SORCS2: variants seen among roughly 807,000 people sequenced by gnomAD.
SORCS2 encodes VPS10 domain-containing receptor SorCS2.
Under a neutral mutation model 141.6 loss-of-function variants are expected in SORCS2, and 100 were observed. The observed-to-expected ratio is 0.71, with a 90% CI of 0.60 to 0.83. SORCS2 has a LOEUF of 0.83. SORCS2 is among the 40% of genes least tolerant of loss of function. SORCS2 has a pLI of 0.00. For missense variants in SORCS2, 1,646 were observed against 1,560.2 expected (o/e 1.05, Z -0.93); for synonymous variants, 789 against 676.9 (o/e 1.17, Z -2.57).
chr4:7,223,545 TG>T (rs1728834790), intron 1 of SORCS2, among the ~76,000 whole-genome samples: 1 of 152,044 alleles, frequency 6.6e-6, no homozygotes, highest in East Asian at 2.0e-4. Context: ...TCTGTGTGTC[TG>T]GTGGTTTCCT....
chr4:7,243,768 C>G (rs1441360074), intron 1 of SORCS2, among the ~76,000 whole-genome samples: 1 of 152,256 alleles, frequency 6.6e-6, no homozygotes, highest in Non-Finnish European at 1.5e-5. Flanking sequence ...CCCACAAACC[C>G]AAGTTCGCAG....
At chr4:7,291,215 A>G (rs1209806431) in intron 1 of SORCS2, among the ~76,000 whole-genome samples, 1 of 152,196 alleles carries the variant, frequency 6.6e-6, no homozygotes, top group Non-Finnish European at 1.5e-5. Context: ...AGCTGAGGCC[A>G]CATAGCAGGT....
intron 1 of SORCS2, among the ~76,000 whole-genome samples, chr4:7,332,205 G>A (rs1346634354): frequency 6.6e-6 from 1 of 152,242 alleles, no homozygotes. Context: ...CTGCCCTGAT[G>A]TGGGGGGCTC....
At chr4:7,438,819 A>G (rs1187345535) in intron 2 of SORCS2, among the ~76,000 whole-genome samples, 1 of 151,792 alleles carries the variant, frequency 6.6e-6, no homozygotes, top group African/African-American at 2.4e-5. Context: ...TCACCTGTCC[A>G]CCTACCTAGT....
chr4:7,641,167 G>T (rs1435565265), intron 4 of SORCS2, among the ~76,000 whole-genome samples: 1 of 152,142 alleles, frequency 6.6e-6, no homozygotes, highest in Non-Finnish European at 1.5e-5. Context: ...ATCACAATGG[G>T]TATCTATTAG....
intron 2 of SORCS2, among the ~76,000 whole-genome samples, chr4:7,469,760 A>T (rs544937666): frequency 6.6e-6 from 1 of 152,372 alleles, no homozygotes; most frequent in African/African-American, 2.4e-5. Flanking sequence ...TCCAATCTGC[A>T]GCCAAGGCTG....
chr4:7,713,456 G>A (rs886673564), intron 15 of SORCS2, among the ~76,000 whole-genome samples: 2 of 152,144 alleles, frequency 1.3e-5, no homozygotes, highest in Admixed American at 1.3e-4. Flanking sequence ...AAAGCGCGGG[G>A]TGGAAGACTT....
intron 2 of SORCS2, among the ~76,000 whole-genome samples, chr4:7,423,116 C>T (rs1726199199): frequency 6.6e-6 from 1 of 152,028 alleles, no homozygotes; most frequent in Non-Finnish European, 1.5e-5. Flanking sequence ...CTCCTCCGAG[C>T]CACTCCCCGC....
At chr4:7,465,830 G>C (rs897059961) in intron 2 of SORCS2, among the ~76,000 whole-genome samples, 1 of 152,178 alleles carries the variant, frequency 6.6e-6, no homozygotes, top group African/African-American at 2.4e-5. Flanking sequence ...GTTTTTTAGT[G>C]GGGGGCTAAG....
At chr4:7,458,104 C>T (rs759241272) in intron 2 of SORCS2, among the ~76,000 whole-genome samples, 1 of 152,116 alleles carries the variant, frequency 6.6e-6, no homozygotes, top group Non-Finnish European at 1.5e-5. Flanking sequence ...CACAGTACTT[C>T]TGCGAAAAGT....
At chr4:7,571,443 T>C (rs371307550) in intron 3 of SORCS2, among the ~76,000 whole-genome samples, 1 of 152,078 alleles carries the variant, frequency 6.6e-6, no homozygotes, top group Non-Finnish European at 1.5e-5. Flanking sequence ...ACTCCCCCAG[T>C]GTTTGATGAG....
At chr4:7,415,764 T>C (rs935984385) in intron 2 of SORCS2, among the ~76,000 whole-genome samples, 9 of 152,266 alleles carry the variant, frequency 5.9e-5, no homozygotes, top group Non-Finnish European at 1.0e-4. Flanking sequence ...CGTTTCTCGA[T>C]AACCTAATTT....
intron 2 of SORCS2, among the ~76,000 whole-genome samples, chr4:7,415,435 A>G (rs1331303389): frequency 6.6e-6 from 1 of 152,018 alleles, no homozygotes; most frequent in East Asian, 1.9e-4. Context: ...CCTCCCTCTG[A>G]CCCTTTTTTT....
rs370498003 is a variant in SORCS2, at chr4:7,252,438, C to T, written c.480+59312C>T. ...CTGGGGGCTGGCCAGGAGGGTGGTC[C>T]GTGCTTCTCACCCCCTTCTCTTTTT... On this transcript the variant is annotated intron_variant, in intron 1 of 26. Coordinates refer to ENST00000507866, the MANE Select transcript of SORCS2 (RefSeq NM_020777.3). Among the ~76,000 whole-genome samples, 8 of 152,318 alleles carry T rather than the reference C, an allele frequency of 5.3e-5. No individual in the cohort carries two copies. In the East Asian group the frequency reaches 9.6e-4, roughly 18 times the overall value.
chr4:7,725,270 A>G lies in SORCS2; in HGVS notation c.2728A>G (p.Ile910Val), dbSNP rs1428019031. ...NPNLTVFYWW[I>V]GHSLQPLLSL... ...TAACCTCACCGTCTTCTACTGGTGG[A>G]TCGGCCACAGCCTGCAGGTGCGCTG... Residue 910 changes from isoleucine (I) to valine (V), a missense_variant, in exon 20 of 27, where the codon ATC becomes GTC. By Grantham distance (29) the Ile-to-Val change is conservative. Transcript: ENST00000507866. 6 of 1,613,184 alleles carry G rather than the reference A, an allele frequency of 3.7e-6. No individual in the cohort carries two copies. The South Asian group carries it at 4.4e-5, about 12-fold the overall frequency.
At chr4:7,251,879 C>G (rs1022147859) in intron 1 of SORCS2, among the ~76,000 whole-genome samples, 1 of 152,080 alleles carries the variant, frequency 6.6e-6, no homozygotes, top group Admixed American at 6.5e-5. Flanking sequence ...GCATCCGGGA[C>G]AGAATTGGGT....
chr4:7,562,448 T>C (rs748379592), intron 3 of SORCS2, among the ~76,000 whole-genome samples: 9 of 152,062 alleles, frequency 5.9e-5, no homozygotes, highest in Non-Finnish European at 1.0e-4. Flanking sequence ...GGGATAGTGA[T>C]AGGGAGTTTG....
intron 1 of SORCS2, among the ~76,000 whole-genome samples, chr4:7,301,789 C>T (rs1376146187): frequency 6.6e-6 from 1 of 152,236 alleles, no homozygotes; most frequent in Admixed American, 6.5e-5. Context: ...CAAATGATGT[C>T]GCTCTGCATG....
Position 7,192,567 on chromosome 4 carries a change from C to A in SORCS2, c.-80C>A. ...TCTCTGCGCTCTCGCTCGCGCTCCC[C>A]AGCGCCCTCCTGCTCTCCCGGCCGC... On this transcript the variant is annotated 5_prime_UTR_variant, in exon 1 of 27. Coordinates refer to ENST00000507866, the MANE Select transcript of SORCS2 (RefSeq NM_020777.3). This position sits in a 1 kb window ranked among gnomAD's most constrained non-coding sequence, Gnocchi z 4.0. The A allele has an allele frequency of 1.0e-6, 1 of 980,954 alleles. No individual in the cohort carries two copies. The highest frequency in any genetic ancestry group is 1.2e-6 in the Non-Finnish European group (1 of 826,180). The allele number at this position is 980,954 out of a possible 1,614,324, so 60.8% of individuals were successfully genotyped here.
Sources: gnomAD v4.1 joint callset for allele counts (sites outside exome capture counted in the v4.1 genomes callset) on GRCh38, gnomAD v4.1.1 for gene constraint, Gnocchi (gnomAD v3.1) non-coding constraint, MANE v1.5 for transcripts, NCBI Gene and HGNC (gene_info 2026-07-23, HGNC 2026-07-21) for gene names.